DNAH11: variants seen among roughly 807,000 people sequenced by gnomAD.
DNAH11 encodes axonemal beta dynein heavy chain 11.
A neutral mutation model predicts 526.0 loss-of-function variants in DNAH11; 442 were observed. The ratio of observed to expected loss-of-function variants is 0.84; its 90% CI spans 0.78 to 0.91. The LOEUF (loss-of-function observed/expected upper bound fraction) is 0.91. Ranked by LOEUF, DNAH11 falls within the 40% of genes least tolerant of loss-of-function variation. The probability of loss-of-function intolerance (pLI) is 0.00; values close to 1 mark genes in which losing one functional copy is unlikely to be tolerated. For synonymous variants in DNAH11, 2,461 were observed against 1,935.9 expected (o/e 1.27, Z -7.12); for missense variants, 6,989 against 5,448.7 (o/e 1.28, Z -8.90).
At chr7:21,741,450 C>T (rs1785892524) in intron 48 of DNAH11, among the ~76,000 whole-genome samples, 1 of 152,206 alleles carries the variant, frequency 6.6e-6, no homozygotes, top group Non-Finnish European at 1.5e-5. Context: ...GCTTTTTAAT[C>T]ATGACAACAG....
intron 30 of DNAH11, among the ~76,000 whole-genome samples, chr7:21,660,751 TTA>T (rs1782208696): frequency 1.3e-5 from 2 of 152,068 alleles, no homozygotes; most frequent in African/African-American, 4.8e-5. Context: ...CTGTAGCTAT[TTA>T]TATATAAGTG....
At chr7:21,674,063 AGTTTT>A (rs1782758060) in intron 30 of DNAH11, among the ~76,000 whole-genome samples, 4 of 119,210 alleles carry the variant, frequency 3.4e-5, no homozygotes, top group Admixed American at 8.5e-5. Context: ...TGTGTGTGTG[AGTTTT>A]GTTTTGTTTT....
At chr7:21,628,519 A>T (rs200520838) in intron 25 of DNAH11, among the ~76,000 whole-genome samples, 2 of 152,102 alleles carry the variant, frequency 1.3e-5, no homozygotes, top group South Asian at 2.1e-4. Context: ...AATTTTATCA[A>T]ATGTCTTTTT....
chr7:21,620,155 T>C, intron 25 of DNAH11, 77 bp downstream of exon 25: 1 of 1,195,082 alleles, frequency 8.4e-7, no homozygotes. Context: ...TAGGGTACCA[T>C]GTGATGTTTT....
chr7:21,793,615 CAA>C (rs35648252), intron 61 of DNAH11, among the ~76,000 whole-genome samples: 25 of 106,102 alleles, frequency 2.4e-4, no homozygotes, highest in South Asian at 3.0e-4. Flanking sequence ...GACTCTGTCT[CAA>C]AAAAAAAAAA....
rs1255557248 is a variant in DNAH11 at position 21,808,495 on chromosome 7, T to C, written c.10332+446T>C. On this transcript the variant is annotated intron_variant, in intron 63 of 81. Coordinates refer to ENST00000409508, the MANE Select transcript of DNAH11 (RefSeq NM_001277115.2). The stretch of plus-strand genomic sequence containing the variant: ...CTGGCACTTATTTCTTCTATCTAAC[T>C]GTAGTTTTGTACCTACTAACCAACT... Among the ~76,000 whole-genome samples the C allele has an allele frequency of 3.3e-5, 5 of 152,230 alleles. 1 individual carries two copies. In the East Asian group the frequency reaches 9.6e-4, roughly 29 times the overall value.
At chr7:21,882,311 A>C (rs1167822019) in intron 75 of DNAH11, among the ~76,000 whole-genome samples, 1 of 152,196 alleles carries the variant, frequency 6.6e-6, no homozygotes, top group Non-Finnish European at 1.5e-5. Context: ...CTCCAGGATC[A>C]GCACAGCCTT....
At position 21,600,998 on chromosome 7, in the gene DNAH11, T is replaced by G. The variant is rs751950923; in HGVS notation, c.3256-12T>G. ...CACTGAGTTGTTCTAATTAATCTTT[T>G]TCTCACTACAGATTGACATTTATGA... On this transcript the variant is annotated splice_polypyrimidine_tract_variant and intron_variant, in intron 16 of 81. Coordinates refer to ENST00000409508, the MANE Select transcript of DNAH11 (RefSeq NM_001277115.2). 11 of 1,609,944 alleles carry G rather than the reference T, an allele frequency of 6.8e-6. No individual in the cohort carries two copies. The highest frequency in any genetic ancestry group is 5.1e-5 in the Admixed American group (3 of 58,850).
At chr7:21,558,044 CT>C (rs1783290570) in intron 2 of DNAH11, among the ~76,000 whole-genome samples, 1 of 152,100 alleles carries the variant, frequency 6.6e-6, no homozygotes, top group Non-Finnish European at 1.5e-5. Flanking sequence ...TCAAACTAAA[CT>C]CTAAAAAGGT....
chr7:21,645,174 G>T (rs752852078), intron 28 of DNAH11, among the ~76,000 whole-genome samples: 1 of 152,174 alleles, frequency 6.6e-6, no homozygotes, highest in African/African-American at 2.4e-5. Flanking sequence ...TGCCAGCGAG[G>T]AGTTTCTAGG....
chr7:21,560,794 T>G lies in DNAH11; in HGVS notation c.883-277T>G, dbSNP rs181723421. ...ACAGACACACCCAGGAACAATACTT[T>G]GCATCCTTCAATCCAATCAAGTTGA... On this transcript the variant is annotated intron_variant, in intron 4 of 81. Coordinates refer to ENST00000409508, the MANE Select transcript of DNAH11 (RefSeq NM_001277115.2). 4.2e-3 allele frequency among the ~76,000 whole-genome samples: 636 copies of G among 152,292 alleles called. 6 individuals carry two copies. Among genetic ancestry groups the G allele is most frequent in the African/African-American group, 0.014 (595 of 41,556 alleles).
chr7:21,814,830 T>A (rs1789704499), intron 63 of DNAH11, among the ~76,000 whole-genome samples: 1 of 152,064 alleles, frequency 6.6e-6, no homozygotes, highest in African/African-American at 2.4e-5. Flanking sequence ...CTTAGGTTAA[T>A]ATTAATGTGA....
intron 42 of DNAH11, among the ~76,000 whole-genome samples, chr7:21,714,727 C>A (rs1382158309): frequency 6.6e-6 from 1 of 152,162 alleles, no homozygotes; most frequent in East Asian, 1.9e-4. Flanking sequence ...GCTTTTCCTG[C>A]AATCACTAAC....
Position 21,637,667 on chromosome 7 carries a change from T to C in DNAH11, c.4782T>C (p.Pro1594=). Residue 1594 remains proline (P), a synonymous_variant, in exon 27 of 82, where the codon CCT becomes CCC. Coordinates refer to ENST00000409508, the MANE Select transcript of DNAH11 (RefSeq NM_001277115.2). ...VENVLEATCR[P]NLYEKLKDLQ... ...ATGTGTTAGAAGCAACGTGCAGACCTAATCTCTATGAAAAACTTAAAGATT... is the reference window on the plus strand; with the variant it reads ...ATGTGTTAGAAGCAACGTGCAGACCCAATCTCTATGAAAAACTTAAAGATT... 6.3e-7 allele frequency: 1 copy of C among 1,579,802 alleles called. No individual in the cohort carries two copies. The highest frequency in any genetic ancestry group is 8.6e-7 in the Non-Finnish European group (1 of 1,162,660).
At position 21,840,229 on chromosome 7, in the gene DNAH11, A is replaced by G. The variant is rs143883107; in HGVS notation, c.10692-2315A>G. Reference sequence around the variant, plus strand: ...TAAAAAGGAGCCCTGTCTGAATGCGATAGAACATCTTTTCTTTAGAATTTT... The same window carrying G: ...TAAAAAGGAGCCCTGTCTGAATGCGGTAGAACATCTTTTCTTTAGAATTTT... On this transcript the variant is annotated intron_variant, in intron 65 of 81. Transcript: ENST00000409508. Among the ~76,000 whole-genome samples the G allele has an allele frequency of 5.3e-4, 80 of 152,360 alleles. 1 individual carries two copies. In the East Asian group the frequency reaches 0.012, roughly 22 times the overall value.
At chr7:21,852,914 G>T (rs890019971) in intron 67 of DNAH11, among the ~76,000 whole-genome samples, 6 of 152,142 alleles carry the variant, frequency 3.9e-5, no homozygotes, top group Non-Finnish European at 8.8e-5. Context: ...AGGCCTGCTG[G>T]CTTCTATGGC....
intron 2 of DNAH11, among the ~76,000 whole-genome samples, chr7:21,552,685 C>G (rs1316230292): frequency 2.0e-5 from 3 of 152,194 alleles, no homozygotes; most frequent in Non-Finnish European, 4.4e-5. Context: ...TTGGGGCTTC[C>G]ATGAAACCTT....
chr7:21,593,806 G>A (rs910171155), intron 14 of DNAH11, among the ~76,000 whole-genome samples: 1 of 151,952 alleles, frequency 6.6e-6, no homozygotes, highest in Non-Finnish European at 1.5e-5. Flanking sequence ...GTTATGTGGA[G>A]TCTTCTCTAT....
chr7:21,578,973 T>C (rs1205085044), intron 8 of DNAH11, among the ~76,000 whole-genome samples: 9 of 152,224 alleles, frequency 5.9e-5, no homozygotes, highest in African/African-American at 2.2e-4. Context: ...GTAATCTTGC[T>C]CATTTTCTCA....
Sources: allele counts gnomAD v4.1 joint callset (sites outside exome capture counted in the v4.1 genomes callset), GRCh38; gene constraint gnomAD v4.1.1; transcripts MANE v1.5; gene names NCBI Gene and HGNC (gene_info 2026-07-23, HGNC 2026-07-21).